Variants in COL23A1 observed in about 807,000 individuals in gnomAD.
COL23A1 encodes collagen alpha-1(XXIII) chain.
In COL23A1, 97 loss-of-function variants were observed where a neutral mutation model predicts 99.3. That is an observed-to-expected ratio of 0.98 (90% CI 0.83 to 1.16). The LOEUF is 1.16. Ranked by LOEUF, COL23A1 falls within the 50% of genes most tolerant of loss-of-function variation. COL23A1 has a pLI of 0.00. For missense variants in COL23A1, 762 were observed against 757.4 expected (o/e 1.01, Z -0.07); for synonymous variants, 320 against 308.2 (o/e 1.04, Z -0.40).
At chr5:178,577,742 G>A (rs1448757455) in intron 1 of COL23A1, among the ~76,000 whole-genome samples, 1 of 152,264 alleles carries the variant, frequency 6.6e-6, no homozygotes, top group Non-Finnish European at 1.5e-5. Flanking sequence ...ACCAAGACCA[G>A]CGAGGCGGAT....
chr5:178,294,896 C>G (rs1322361197), intron 3 of COL23A1, among the ~76,000 whole-genome samples: 1 of 152,220 alleles, frequency 6.6e-6, no homozygotes, highest in Non-Finnish European at 1.5e-5. Context: ...AATCCCAGCA[C>G]TTTGGGAGGC....
chr5:178,246,950 G>C (rs1764732574), intron 22 of COL23A1, among the ~76,000 whole-genome samples: 1 of 152,214 alleles, frequency 6.6e-6, no homozygotes, highest in African/African-American at 2.4e-5. Flanking sequence ...TCTGGCCTCT[G>C]AGCTGGGGAA....
intron 2 of COL23A1, among the ~76,000 whole-genome samples, chr5:178,330,574 A>T (rs985712601): frequency 1.3e-5 from 2 of 151,476 alleles, no homozygotes; most frequent in Non-Finnish European, 2.9e-5. Context: ...GGATAGCTGG[A>T]GCTGAGGAGT....
rs530604 is a variant in COL23A1 at position 178,465,182 on chromosome 5, C to A, written c.361+95500G>T. On this transcript the variant is annotated intron_variant, in intron 2 of 28. Coordinates refer to ENST00000390654, the MANE Select transcript of COL23A1 (RefSeq NM_173465.4). ...TTCACAGCCTTGCACAGCGTGTACA[C>A]GGAACCCATCAGAAAACAGGGGTCG... Among the ~76,000 whole-genome samples, 4 of 152,260 alleles carry A rather than the reference C, an allele frequency of 2.6e-5. No homozygotes were observed. In the East Asian group the frequency reaches 7.7e-4, roughly 29 times the overall value.
chr5:178,547,257 G>C (rs1319531922), intron 2 of COL23A1, among the ~76,000 whole-genome samples: 1 of 151,958 alleles, frequency 6.6e-6, no homozygotes, highest in African/African-American at 2.4e-5. Flanking sequence ...AGCCCCTGGG[G>C]CACACTCGGA....
In COL23A1 at chr5:178,249,152, C is replaced by CT. The variant is rs35229179; in HGVS notation, c.1113dup (p.Gly372ArgfsTer15). The CT allele has an allele frequency of 6.2e-7, 1 of 1,614,190 alleles. No homozygotes were observed. Among genetic ancestry groups the CT allele is most frequent in the Non-Finnish European group, 8.5e-7 (1 of 1,179,984 alleles). On this transcript the variant is annotated frameshift_variant, in exon 19 of 29. Transcript: ENST00000390654. LOFTEE classifies it high-confidence loss of function. The stretch of plus-strand genomic sequence containing the variant: ...GACAAGCCCATCTCGCCTGCTTCCC[C>CT]TTTGAGTCCTGCTGGCCCAGGCTCT...
intron 2 of COL23A1, among the ~76,000 whole-genome samples, chr5:178,329,936 C>CAA (rs11367167): frequency 0.019 from 2,579 of 135,352 alleles, 32 homozygotes; most frequent in Non-Finnish European, 0.031. Flanking sequence ...GATTCTGTCT[C>CAA]AAAAAAAAAA....
chr5:178,240,038 G>A (rs1484611523), intron 27 of COL23A1, among the ~76,000 whole-genome samples: 1 of 152,138 alleles, frequency 6.6e-6, no homozygotes, highest in African/African-American at 2.4e-5. Context: ...TCCAGCCTGT[G>A]CTGGCTGGAG....
At chr5:178,531,251 A>C (rs184709582) in intron 2 of COL23A1, among the ~76,000 whole-genome samples, 75 of 152,326 alleles carry the variant, frequency 4.9e-4, no homozygotes, top group African/African-American at 1.7e-3. Flanking sequence ...GGGACTGTAG[A>C]GATAATACAG....
chr5:178,444,357 A>C (rs1365437017), intron 2 of COL23A1, among the ~76,000 whole-genome samples: 1 of 152,102 alleles, frequency 6.6e-6, no homozygotes, highest in African/African-American at 2.4e-5. Context: ...TATTTCTTTC[A>C]TATTTGTTTT....
At chr5:178,526,545 C>G (rs1760320186) in intron 2 of COL23A1, among the ~76,000 whole-genome samples, 1 of 152,196 alleles carries the variant, frequency 6.6e-6, no homozygotes, top group African/African-American at 2.4e-5. Flanking sequence ...CCAGTAAACT[C>G]CAGAGCCCAG....
chr5:178,243,489 A>C (rs1764518768), intron 25 of COL23A1, among the ~76,000 whole-genome samples: 1 of 132,964 alleles, frequency 7.5e-6, no homozygotes, highest in African/African-American at 3.0e-5. Context: ...CTCCATCTCC[A>C]AAAAAAAAAA....
At position 178,544,652 on chromosome 5, in the gene COL23A1, G is replaced by T. The variant is rs902005121; in HGVS notation, c.361+16030C>A. ...CTATCCCCACTGTGAGACGGGCGGT[G>T]CCACAAATGGGAGGTGACGATCAGG... On this transcript the variant is annotated intron_variant, in intron 2 of 28. Transcript: ENST00000390654. The surrounding 1 kb of genome is among the most constrained non-coding windows in gnomAD (Gnocchi z 4.4). 6.6e-6 allele frequency among the ~76,000 whole-genome samples: 1 copy of T among 152,196 alleles called. No individual in the cohort carries two copies. The highest frequency in any genetic ancestry group is 1.5e-5 in the Non-Finnish European group (1 of 68,038).
intron 2 of COL23A1, among the ~76,000 whole-genome samples, chr5:178,480,960 A>G (rs559338975): frequency 6.7e-4 from 102 of 152,168 alleles, no homozygotes; most frequent in African/African-American, 2.4e-3. Context: ...AGCCTGGCCA[A>G]TGTGGTGAAA....
intron 2 of COL23A1, among the ~76,000 whole-genome samples, chr5:178,449,790 A>C (rs908342444): frequency 6.6e-6 from 1 of 152,020 alleles, no homozygotes; most frequent in African/African-American, 2.4e-5. Context: ...CCTTTTGCAG[A>C]GCTCTAGAGA....
At chr5:178,249,710 A>ACT (rs1764912444) in intron 18 of COL23A1, among the ~76,000 whole-genome samples, 1 of 97,914 alleles carries the variant, frequency 1.0e-5, no homozygotes, top group Non-Finnish European at 2.3e-5. Flanking sequence ...ACACACACAC[A>ACT]CACACACTCT....
At chr5:178,245,892 G>A (rs1764666264) in intron 25 of COL23A1, 50 bp downstream of exon 25, 5 of 1,604,130 alleles carry the variant, frequency 3.1e-6, no homozygotes, top group Non-Finnish European at 3.4e-6. Flanking sequence ...GAGGGCAGAA[G>A]ATACACACAA....
At chr5:178,582,049 CG>C (rs2113725995) in intron 1 of COL23A1, among the ~76,000 whole-genome samples, 1 of 151,480 alleles carries the variant, frequency 6.6e-6, no homozygotes, top group South Asian at 2.1e-4. Context: ...GAAAAAAGTG[CG>C]GGGCAGGGGG....
At chr5:178,516,171 C>T (rs1369507440) in intron 2 of COL23A1, among the ~76,000 whole-genome samples, 2 of 152,218 alleles carry the variant, frequency 1.3e-5, no homozygotes, top group East Asian at 1.9e-4. Flanking sequence ...GCTTCAGGGC[C>T]TCCCAGCCCA....
Sources: gnomAD v4.1 joint callset for allele counts (sites outside exome capture counted in the v4.1 genomes callset) on GRCh38, gnomAD v4.1.1 for gene constraint, Gnocchi (gnomAD v3.1) non-coding constraint, MANE v1.5 for transcripts, NCBI Gene and HGNC (gene_info 2026-07-23, HGNC 2026-07-21) for gene names.